The following CSMD1 variants were observed in gnomAD, a reference collection of about 807,000 sequenced individuals.
The protein encoded by CSMD1 is CUB and sushi domain-containing protein 1.
A neutral mutation model predicts 417.5 loss-of-function variants in CSMD1; 213 were observed. The ratio of observed to expected loss-of-function variants is 0.51; its 90% confidence interval spans 0.46 to 0.57. The LOEUF is 0.57. Among genes scored for constraint, CSMD1 ranks in the 20% least tolerant of loss-of-function variants. CSMD1 has a pLI of 0.00. For missense variants in CSMD1, 6,923 were observed against 4,529.7 expected, an observed-to-expected ratio of 1.53 and a Z score of -15.17; for synonymous variants, 2,862 against 1,736.8, an observed-to-expected ratio of 1.65 and a Z score of -16.11.
chr8:3,453,475 T>G (rs1309775080), intron 12 of CSMD1, among the ~76,000 whole-genome samples: 1 of 152,220 alleles, frequency 6.6e-6, no homozygotes, highest in Non-Finnish European at 1.5e-5. Context: ...CTCTACACAC[T>G]GCTTTGAATG....
At chr8:3,782,718 G>A (rs151222761) in intron 5 of CSMD1, among the ~76,000 whole-genome samples, 138 of 152,276 alleles carry the variant, frequency 9.1e-4, no homozygotes, top group African/African-American at 3.2e-3. Context: ...TAGGTTCAAG[G>A]AGCTGGGTGT....
intron 23 of CSMD1, among the ~76,000 whole-genome samples, chr8:3,340,388 T>G (rs1807568043): frequency 6.7e-6 from 1 of 149,802 alleles, no homozygotes; most frequent in South Asian, 2.1e-4. Context: ...AATGTTAGGG[T>G]TTTTTTTTAT....
intron 5 of CSMD1, among the ~76,000 whole-genome samples, chr8:3,778,968 T>C (rs1308603517): frequency 6.6e-6 from 1 of 152,162 alleles, no homozygotes; most frequent in Non-Finnish European, 1.5e-5. Context: ...TTGGCTTGTG[T>C]TCTTTTCATT....
chr8:3,106,072 T>C lies in CSMD1; in HGVS notation c.6949+456A>G, dbSNP rs185552212. On this transcript the variant is annotated intron_variant, in intron 46 of 69. Coordinates refer to ENST00000635120, the MANE Select transcript of CSMD1 (RefSeq NM_033225.6). ...TATTTCTGTTAGCATGTTAGTTTCATTGCAATGGGATCAGAGCACAGATTA... is the reference window on the plus strand; with the variant it reads ...TATTTCTGTTAGCATGTTAGTTTCACTGCAATGGGATCAGAGCACAGATTA... Among the ~76,000 whole-genome samples, 191 of 152,286 alleles carry C rather than the reference T, an allele frequency of 1.3e-3. 1 individual carries two copies. Among genetic ancestry groups the C allele is most frequent in the African/African-American group, 4.5e-3 (185 of 41,554 alleles).
intron 12 of CSMD1, among the ~76,000 whole-genome samples, chr8:3,442,986 T>G (rs927638095): frequency 6.6e-6 from 1 of 152,210 alleles, no homozygotes; most frequent in Non-Finnish European, 1.5e-5. Flanking sequence ...ATCATTAAAA[T>G]TGTCCTCTTT....
At position 3,515,752 on chromosome 8, in the gene CSMD1, T is replaced by A. The variant is rs150473977; in HGVS notation, c.1345-22026A>T. Among the ~76,000 whole-genome samples, 690 of 152,322 alleles carry A rather than the reference T, an allele frequency of 4.5e-3. 2 individuals are homozygous for A. Among genetic ancestry groups the A allele is most frequent in the South Asian group, 0.025 (122 of 4,832 alleles). ...TTAATTCAGGTGTATGCCTTCCCCA[T>A]TGACTTCATTTAACAACTACTTTCT... On this transcript the variant is annotated intron_variant, in intron 10 of 69. Transcript: ENST00000635120.
At chr8:4,808,500 A>G (rs1262938091) in intron 1 of CSMD1, among the ~76,000 whole-genome samples, 1 of 152,212 alleles carries the variant, frequency 6.6e-6, no homozygotes, top group African/African-American at 2.4e-5. Flanking sequence ...CATAGTGAAT[A>G]AAACACATCC....
intron 3 of CSMD1, among the ~76,000 whole-genome samples, chr8:4,319,473 C>T (rs968994719): frequency 3.9e-5 from 6 of 152,084 alleles, no homozygotes; most frequent in Admixed American, 1.3e-4. Context: ...CTTCTTAAGG[C>T]TTTGCTAGGA....
At chr8:4,236,039 G>GTTTTTTTTTTTTTTTTTTTTTT (rs869245155) in intron 3 of CSMD1, among the ~76,000 whole-genome samples, 10 of 31,704 alleles carry the variant, frequency 3.2e-4, no homozygotes, top group African/African-American at 6.9e-4. Context: ...TTTTTTGTTT[G>GTTTTTTTTTTTTTTTTTTTTTT]TTTTTTTTTT....
rs570015017 is a variant in CSMD1, at chr8:3,677,644, T to A, written c.1009+30770A>T. The stretch of plus-strand genomic sequence containing the variant: ...CTCTTTTAAGCAAAACCTCCAGCTA[T>A]TGACATGAAAAGATATCTATCCTTT... On this transcript the variant is annotated intron_variant, in intron 7 of 69. Coordinates refer to ENST00000635120, the MANE Select transcript of CSMD1 (RefSeq NM_033225.6). Among the ~76,000 whole-genome samples the A allele has an allele frequency of 7.9e-5, 12 of 152,302 alleles. No individual in the cohort carries two copies. The East Asian group carries it at 1.2e-3, about 15-fold the overall frequency.
chr8:4,643,463 C>T (rs1040958366), intron 1 of CSMD1, among the ~76,000 whole-genome samples: 2 of 152,136 alleles, frequency 1.3e-5, no homozygotes, highest in Admixed American at 6.6e-5. Context: ...GAACACTAAA[C>T]ATTGCCTTAC....
chr8:4,209,113 T>C (rs1800152773), intron 3 of CSMD1, among the ~76,000 whole-genome samples: 1 of 152,332 alleles, frequency 6.6e-6, no homozygotes. Context: ...TGATTTACAG[T>C]GTTAACACAT....
intron 3 of CSMD1, among the ~76,000 whole-genome samples, chr8:4,140,055 T>A (rs1256727447): frequency 6.6e-6 from 1 of 150,914 alleles, no homozygotes; most frequent in African/African-American, 2.5e-5. Context: ...CATTTGATTA[T>A]TAAAAATAAG....
At chr8:4,288,298 A>C (rs1797171815) in intron 3 of CSMD1, among the ~76,000 whole-genome samples, 1 of 152,112 alleles carries the variant, frequency 6.6e-6, no homozygotes, top group Non-Finnish European at 1.5e-5. Flanking sequence ...TTCCTAAGGT[A>C]CTATTTTTGG....
At position 3,439,309 on chromosome 8, in the gene CSMD1, A is replaced by ATATATATT; in HGVS notation, c.1561+29402_1561+29403insAATATATA. ...TATATATATATATATATATATATAT[A>ATATATATT]TTTTTTTTTTTAATATGTATTTTTA... On this transcript the variant is annotated intron_variant, in intron 12 of 69. Coordinates refer to ENST00000635120, the MANE Select transcript of CSMD1 (RefSeq NM_033225.6). 2.9e-3 allele frequency among the ~76,000 whole-genome samples: 183 copies of ATATATATT among 62,436 alleles called. 4 individuals carry two copies. The highest frequency in any genetic ancestry group is 7.7e-3 in the African/African-American group (115 of 15,032). 41.0% of individuals were successfully genotyped at this position (62,436 alleles called of 152,430 possible).
intron 1 of CSMD1, among the ~76,000 whole-genome samples, chr8:4,936,681 G>A (rs974611470): frequency 6.6e-6 from 1 of 152,152 alleles, no homozygotes. Context: ...CATTGTCTAT[G>A]ACTAGTAAAT....
chr8:4,121,617 G>GT (rs1318202198), intron 3 of CSMD1, among the ~76,000 whole-genome samples: 3 of 101,964 alleles, frequency 2.9e-5, no homozygotes, highest in African/African-American at 1.0e-4. Flanking sequence ...TAAACACCTA[G>GT]TTTAAAAAAA....
At chr8:4,781,629 G>A (rs1797157015) in intron 1 of CSMD1, among the ~76,000 whole-genome samples, 1 of 152,156 alleles carries the variant, frequency 6.6e-6, no homozygotes, top group African/African-American at 2.4e-5. Context: ...TTCTGATCCT[G>A]TACTTAATCA....
chr8:3,551,695 T>C (rs566016054), intron 10 of CSMD1, among the ~76,000 whole-genome samples: 2 of 151,400 alleles, frequency 1.3e-5, no homozygotes, highest in African/African-American at 4.8e-5. Context: ...AATAAAGACA[T>C]GACTGATGAT....
Sources: gnomAD v4.1 joint callset for allele counts (sites outside exome capture counted in the v4.1 genomes callset) on GRCh38, gnomAD v4.1.1 for gene constraint, MANE v1.5 for transcripts, NCBI Gene and HGNC (gene_info 2026-07-23, HGNC 2026-07-21) for gene names.